TBC1D19: variants seen among roughly 807,000 people sequenced by gnomAD.
The protein encoded by TBC1D19 is TBC1 domain family member 19, also known as TBC1 domain family, member 19.
In TBC1D19, 60 loss-of-function variants were observed where a neutral mutation model predicts 89.0. That is an observed-to-expected ratio of 0.67 (90% CI 0.55 to 0.84). TBC1D19 has a LOEUF of 0.84. Among genes scored for constraint, TBC1D19 ranks in the 40% least tolerant of loss-of-function variants. TBC1D19 has a pLI of 0.00. For synonymous variants in TBC1D19, 189 were observed against 199.7 expected (o/e 0.95, Z 0.45); for missense variants, 500 against 610.8 (o/e 0.82, Z 1.91).
intron 1 of TBC1D19, among the ~76,000 whole-genome samples, chr4:26,606,144 A>G (rs1242720154): frequency 5.9e-5 from 9 of 152,120 alleles, no homozygotes; most frequent in Non-Finnish European, 1.3e-4. Context: ...ATATGCCACT[A>G]TACCTGTCTC....
intron 1 of TBC1D19, among the ~76,000 whole-genome samples, chr4:26,593,699 C>G (rs2109959224): frequency 6.6e-6 from 1 of 152,258 alleles, no homozygotes; most frequent in East Asian, 1.9e-4. Context: ...AGACACTTCC[C>G]AAAAGAAGAC....
intron 15 of TBC1D19, among the ~76,000 whole-genome samples, chr4:26,728,840 C>G (rs1320202114): frequency 6.6e-6 from 1 of 152,000 alleles, no homozygotes; most frequent in African/African-American, 2.4e-5. Context: ...GGTGAAACCC[C>G]GTCTCTACTA....
the TBC1D19 span, among the ~76,000 whole-genome samples, chr4:26,796,219 A>T: frequency 2.0e-5 from 3 of 152,224 alleles, no homozygotes; most frequent in African/African-American, 4.8e-5. Context: ...AAAAATATAT[A>T]TAGAATAAGC....
the TBC1D19 span, among the ~76,000 whole-genome samples, chr4:26,789,182 G>A: frequency 2.0e-5 from 3 of 152,200 alleles, no homozygotes; most frequent in Non-Finnish European, 4.4e-5. Flanking sequence ...ATACCTTGGT[G>A]TTCCCATGTG....
At chr4:26,836,035 T>C in the TBC1D19 span, among the ~76,000 whole-genome samples, 1 of 152,082 alleles carries the variant, frequency 6.6e-6, no homozygotes, top group Non-Finnish European at 1.5e-5. Context: ...GACATGATTT[T>C]GTTTCTATCA....
chr4:26,826,997 G>A, the TBC1D19 span, among the ~76,000 whole-genome samples: 1 of 152,076 alleles, frequency 6.6e-6, no homozygotes, highest in Non-Finnish European at 1.5e-5. Flanking sequence ...TTTTTCCTCA[G>A]GAGGTTTCAC....
At chr4:26,588,715 T>C (rs1404942698) in intron 1 of TBC1D19, among the ~76,000 whole-genome samples, 1 of 152,208 alleles carries the variant, frequency 6.6e-6, no homozygotes, top group African/African-American at 2.4e-5. Context: ...CTTTCTCTGA[T>C]TGATTTCTAG....
chr4:26,585,937 A>T (rs896508621), intron 1 of TBC1D19, among the ~76,000 whole-genome samples: 2 of 152,140 alleles, frequency 1.3e-5, no homozygotes, highest in Admixed American at 6.5e-5. Context: ...AAAGAGAAAA[A>T]TGCTTAATTT....
chr4:26,845,940 T>A, the TBC1D19 span, among the ~76,000 whole-genome samples: 6 of 152,204 alleles, frequency 3.9e-5, no homozygotes, highest in Non-Finnish European at 5.9e-5. Flanking sequence ...GGAGGTACAA[T>A]TTAAGATGAG....
chr4:26,754,029 G>A (rs1406886906), intron 20 of TBC1D19, 139 bp downstream of exon 20: 1 of 743,310 alleles, frequency 1.3e-6, no homozygotes, highest in African/African-American at 1.7e-5. Context: ...TAAGTTCTGA[G>A]CTAATAATAC....
At chr4:26,724,603 T>C (rs964209347) in intron 15 of TBC1D19, among the ~76,000 whole-genome samples, 3 of 152,224 alleles carry the variant, frequency 2.0e-5, no homozygotes, top group Non-Finnish European at 4.4e-5. Context: ...TGACAGAGAT[T>C]TTCTTAAATA....
rs747846180 is a variant in TBC1D19 at position 26,754,978 on chromosome 4, G to A, written c.*31G>A. 6.4e-7 allele frequency: 1 copy of A among 1,572,162 alleles called. No individual in the cohort carries two copies. Among genetic ancestry groups the A allele is most frequent in the Non-Finnish European group, 8.6e-7 (1 of 1,162,032 alleles). Reference sequence around the variant, plus strand: ...TTCACAGTCACTGGCAACACATCTAGTTTTTCATTAGAAACAAATCATGAA... The same window carrying A: ...TTCACAGTCACTGGCAACACATCTAATTTTTCATTAGAAACAAATCATGAA... On this transcript the variant is annotated 3_prime_UTR_variant, in exon 21 of 21. Transcript: ENST00000264866.
chr4:26,756,920 C>T (rs1482172514), downstream of TBC1D19, among the ~76,000 whole-genome samples: 1 of 152,154 alleles, frequency 6.6e-6, no homozygotes, highest in Non-Finnish European at 1.5e-5. Context: ...TGACAACCAC[C>T]CACTTTGCTG....
At chr4:26,843,493 G>A in the TBC1D19 span, among the ~76,000 whole-genome samples, 1 of 151,748 alleles carries the variant, frequency 6.6e-6, no homozygotes, top group South Asian at 2.1e-4. Context: ...CATTGACATC[G>A]GAGACCATTA....
the TBC1D19 span, among the ~76,000 whole-genome samples, chr4:26,781,807 T>G: frequency 6.6e-6 from 1 of 152,182 alleles, no homozygotes; most frequent in Non-Finnish European, 1.5e-5. Flanking sequence ...GATTTTTTTT[T>G]TTTTGTATTT....
chr4:26,723,776 T>G (rs1296560726), intron 15 of TBC1D19, among the ~76,000 whole-genome samples: 1 of 152,202 alleles, frequency 6.6e-6, no homozygotes, highest in Non-Finnish European at 1.5e-5. Flanking sequence ...CCTAGGTCAC[T>G]GTTGTAGGAG....
chr4:26,701,602 T>C (rs1322563844), intron 13 of TBC1D19, among the ~76,000 whole-genome samples: 6 of 152,184 alleles, frequency 3.9e-5, no homozygotes, highest in African/African-American at 1.4e-4. Flanking sequence ...TCTAAAAGCT[T>C]AATGTTAGTA....
chr4:26,832,439 C>T, the TBC1D19 span, among the ~76,000 whole-genome samples: 1 of 152,164 alleles, frequency 6.6e-6, no homozygotes, highest in East Asian at 1.9e-4. Flanking sequence ...ATATAATGCT[C>T]CAGAAGTCTA....
the TBC1D19 span, among the ~76,000 whole-genome samples, chr4:26,794,981 C>CTTT: frequency 6.6e-6 from 1 of 152,194 alleles, no homozygotes; most frequent in African/African-American, 2.4e-5. Context: ...CTGCCTTTGC[C>CTTT]ACTTTAGGCT....
Sources: gnomAD v4.1 joint callset for allele counts (sites outside exome capture counted in the v4.1 genomes callset) on GRCh38, gnomAD v4.1.1 for gene constraint, MANE v1.5 for transcripts, NCBI Gene and HGNC (gene_info 2026-07-23, HGNC 2026-07-21) for gene names.